Variants in PDE4B observed in about 807,000 individuals in gnomAD.
PDE4B encodes the protein 3',5'-cyclic-AMP phosphodiesterase 4B.
In PDE4B, 20 loss-of-function variants were observed where a neutral mutation model predicts 82.2. The ratio of observed to expected loss-of-function variants is 0.24; its 90% CI spans 0.17 to 0.35. The LOEUF (loss-of-function observed/expected upper bound fraction) is 0.35. Among genes scored for constraint, PDE4B ranks in the 10% least tolerant of loss-of-function variants. The pLI is 1.00. For missense variants in PDE4B, 655 were observed against 907.2 expected, an observed-to-expected ratio of 0.72 and a Z score of 3.57; for synonymous variants, 320 against 318.9, an observed-to-expected ratio of 1.00 and a Z score of -0.04.
intron 1 of PDE4B, among the ~76,000 whole-genome samples, chr1:65,848,226 C>T (rs1646288730): frequency 6.6e-6 from 1 of 152,058 alleles, no homozygotes; most frequent in East Asian, 1.9e-4. Context: ...GCAACCTCCA[C>T]CTTCTGGGTT....
chr1:66,358,620 G>A lies in PDE4B; in HGVS notation c.842-2995G>A, dbSNP rs1662469224. 2.0e-5 allele frequency among the ~76,000 whole-genome samples: 3 copies of A among 147,044 alleles called. No individual in the cohort carries two copies. The Admixed American group carries it at 2.1e-4, about 10-fold the overall frequency. Reference sequence around the variant, plus strand: ...ATCCAGGAGATGGAGGTTGCAGTGAGCCAAGATCACACCATTGCACTCCAG... The same window carrying A: ...ATCCAGGAGATGGAGGTTGCAGTGAACCAAGATCACACCATTGCACTCCAG... On this transcript the variant is annotated intron_variant, in intron 9 of 16. Transcript: ENST00000341517.
chr1:65,924,077 A>ATTTTTTTTTTTTTTTTTTTT (rs71058436), intron 3 of PDE4B, among the ~76,000 whole-genome samples: 1,167 of 40,676 alleles, frequency 0.029, 457 homozygotes, highest in African/African-American at 0.033. Context: ...CAGTTTGCTA[A>ATTTTTTTTTTTTTTTTTTTT]TTTTTTTTTT....
intron 3 of PDE4B, among the ~76,000 whole-genome samples, chr1:66,139,318 C>T (rs1212537426): frequency 3.3e-5 from 5 of 152,178 alleles, no homozygotes; most frequent in African/African-American, 9.7e-5. Flanking sequence ...GGCTGAGGTC[C>T]CTGTTTTCTT....
At chr1:66,107,441 TA>T (rs890199174) in intron 3 of PDE4B, among the ~76,000 whole-genome samples, 3 of 151,894 alleles carry the variant, frequency 2.0e-5, no homozygotes, top group Non-Finnish European at 4.4e-5. Flanking sequence ...ATTCTGAGCT[TA>T]AAAATTGTTT....
intron 3 of PDE4B, among the ~76,000 whole-genome samples, chr1:66,166,986 C>A (rs1438798022): frequency 6.6e-6 from 1 of 152,126 alleles, no homozygotes; most frequent in Non-Finnish European, 1.5e-5. Context: ...AAATGCAAAT[C>A]AAAACCACAA....
intron 4 of PDE4B, among the ~76,000 whole-genome samples, chr1:66,255,660 CT>C (rs1654160220): frequency 6.6e-6 from 1 of 152,230 alleles, no homozygotes; most frequent in Non-Finnish European, 1.5e-5. Flanking sequence ...ACACTGCTCA[CT>C]CAATCAAGAC....
intron 1 of PDE4B, among the ~76,000 whole-genome samples, chr1:65,842,760 G>A (rs1646222168): frequency 2.0e-5 from 3 of 152,108 alleles, no homozygotes; most frequent in African/African-American, 7.2e-5. Flanking sequence ...CCCTAAAAAT[G>A]CTCACAGTCA....
At chr1:65,823,223 C>T (rs1283773043) in intron 1 of PDE4B, among the ~76,000 whole-genome samples, 19 of 151,786 alleles carry the variant, frequency 1.3e-4, no homozygotes, top group Admixed American at 3.9e-4. Context: ...TGGTGAAACC[C>T]CGTCTCTACT....
At chr1:65,901,755 TG>T (rs1180947172) in intron 1 of PDE4B, among the ~76,000 whole-genome samples, 2 of 152,078 alleles carry the variant, frequency 1.3e-5, no homozygotes, top group African/African-American at 4.8e-5. Context: ...AAACAATTTT[TG>T]GTTTCTTTGG....
At chr1:66,322,657 C>G (rs1227203049) in intron 7 of PDE4B, among the ~76,000 whole-genome samples, 1 of 151,862 alleles carries the variant, frequency 6.6e-6, no homozygotes, top group African/African-American at 2.4e-5. Context: ...AATCAGGAAA[C>G]AACACATGCT....
intron 7 of PDE4B, chr1:66,331,722 C>G (rs1036215839): frequency 1.0e-6 from 1 of 984,616 alleles, no homozygotes; most frequent in African/African-American, 1.7e-5. Flanking sequence ...GTGATCCTGG[C>G]ACTTGCAGAA....
intron 3 of PDE4B, among the ~76,000 whole-genome samples, chr1:66,021,221 T>C (rs1653088915): frequency 6.6e-6 from 1 of 152,236 alleles, no homozygotes; most frequent in Non-Finnish European, 1.5e-5. Context: ...TATTAGCCCT[T>C]TGTCAGATGA....
intron 3 of PDE4B, among the ~76,000 whole-genome samples, chr1:66,039,675 A>G (rs1654258646): frequency 6.6e-6 from 1 of 152,068 alleles, no homozygotes; most frequent in Non-Finnish European, 1.5e-5. Flanking sequence ...GCCTTAATTT[A>G]ACTATGACTC....
intron 7 of PDE4B, among the ~76,000 whole-genome samples, chr1:66,322,852 T>C (rs1385703554): frequency 6.6e-6 from 1 of 152,116 alleles, no homozygotes; most frequent in African/African-American, 2.4e-5. Flanking sequence ...CATTTAATCT[T>C]CATAACTATC....
chr1:65,824,105 A>G (rs557417041), intron 1 of PDE4B, among the ~76,000 whole-genome samples: 13 of 152,334 alleles, frequency 8.5e-5, no homozygotes, highest in Middle Eastern at 3.4e-3. Context: ...TTTGTGAATG[A>G]ATAAAATCAT....
intron 8 of PDE4B, chr1:66,354,953 G>GT: frequency 4.1e-6 from 6 of 1,460,790 alleles, no homozygotes; most frequent in South Asian, 1.2e-5. Flanking sequence ...ACCTCTGTGT[G>GT]TTTTTTTGTG....
intron 1 of PDE4B, among the ~76,000 whole-genome samples, chr1:65,884,242 C>T (rs4460610): frequency 0.18 from 27,693 of 152,100 alleles, 3,037 homozygotes; most frequent in East Asian, 0.41. Flanking sequence ...GTACCAGCTC[C>T]TCCTTGTACC....
At chr1:66,043,749 C>T (rs1654525642) in intron 3 of PDE4B, among the ~76,000 whole-genome samples, 2 of 151,686 alleles carry the variant, frequency 1.3e-5, no homozygotes, top group Non-Finnish European at 1.5e-5. Context: ...ACTGTTTGAC[C>T]TAACAGTCAG....
At chr1:66,338,882 A>G (rs113202806) in intron 8 of PDE4B, among the ~76,000 whole-genome samples, 725 of 151,376 alleles carry the variant, frequency 4.8e-3, no homozygotes, top group South Asian at 0.018. Context: ...AGCCGGGCGT[A>G]GTGGCGGGCG....
Sources: gnomAD v4.1 joint callset for allele counts (sites outside exome capture counted in the v4.1 genomes callset) on GRCh38, gnomAD v4.1.1 for gene constraint, MANE v1.5 for transcripts, NCBI Gene and HGNC (gene_info 2026-07-23, HGNC 2026-07-21) for gene names.